The following RBFOX1 variants were observed in gnomAD, a reference collection of about 807,000 sequenced individuals.
RBFOX1 encodes the protein RNA binding protein fox-1 homolog 1.
Under a neutral mutation model 57.7 loss-of-function variants are expected in RBFOX1, and 8 were observed. The observed-to-expected ratio is 0.14, with a 90% confidence interval of 0.08 to 0.25. The LOEUF is 0.25. Ranked by LOEUF, RBFOX1 falls within the 10% of genes least tolerant of loss-of-function variation. RBFOX1 has a pLI of 1.00. For missense variants in RBFOX1, 611 were observed against 548.5 expected (o/e 1.11, Z -1.14); for synonymous variants, 326 against 222.4 (o/e 1.47, Z -4.15).
chr16:5,509,854 G>T (rs1052064760), intron 2 of RBFOX1, among the ~76,000 whole-genome samples: 1 of 152,288 alleles, frequency 6.6e-6, no homozygotes, highest in Admixed American at 6.5e-5. Flanking sequence ...AGTGCGGGGT[G>T]TCCCAGATGG....
chr16:7,633,380 C>A (rs1026832005), intron 11 of RBFOX1, among the ~76,000 whole-genome samples: 1 of 152,144 alleles, frequency 6.6e-6, no homozygotes, highest in African/African-American at 2.4e-5. Flanking sequence ...TAAATTGTAT[C>A]AGTCGTATTA....
At chr16:6,864,547 C>CT (rs556959548) in intron 3 of RBFOX1, among the ~76,000 whole-genome samples, 6,609 of 139,478 alleles carry the variant, frequency 0.047, 259 homozygotes, top group African/African-American at 0.1. Context: ...TCTCCTTCCT[C>CT]TTTTTTTTTT....
chr16:7,228,906 A>C (rs1260483087), intron 4 of RBFOX1, among the ~76,000 whole-genome samples: 2 of 152,188 alleles, frequency 1.3e-5, no homozygotes, highest in Non-Finnish European at 2.9e-5. Flanking sequence ...ATTTTGAGAG[A>C]GAAGAAGATG....
chr16:6,404,055 C>G (rs1567201982), intron 2 of RBFOX1, among the ~76,000 whole-genome samples: 1 of 152,124 alleles, frequency 6.6e-6, no homozygotes, highest in Admixed American at 6.5e-5. Context: ...GTTTAACTCA[C>G]CTAGCCTATA....
intron 1 of RBFOX1, among the ~76,000 whole-genome samples, chr16:6,202,961 G>T (rs2152833070): frequency 6.6e-6 from 1 of 151,988 alleles, no homozygotes; most frequent in East Asian, 1.9e-4. Context: ...TTTTTGTAGA[G>T]ATGGGGTTCT....
At chr16:7,375,746 A>G (rs1447664974) in intron 4 of RBFOX1, among the ~76,000 whole-genome samples, 28 of 152,136 alleles carry the variant, frequency 1.8e-4, no homozygotes, top group Admixed American at 1.8e-3. Flanking sequence ...AATAAAATGA[A>G]TGATTTTTCT....
At chr16:7,700,602 G>A (rs954876134) in intron 14 of RBFOX1, among the ~76,000 whole-genome samples, 2 of 152,170 alleles carry the variant, frequency 1.3e-5, no homozygotes, top group Non-Finnish European at 2.9e-5. Flanking sequence ...TGGTAGAGCA[G>A]GAGTAGACAA....
At chr16:6,122,585 A>C (rs2096559018) in intron 1 of RBFOX1, among the ~76,000 whole-genome samples, 1 of 152,114 alleles carries the variant, frequency 6.6e-6, no homozygotes. Flanking sequence ...TATTGTGCTG[A>C]CTAGGCCTTC....
intron 2 of RBFOX1, among the ~76,000 whole-genome samples, chr16:5,569,973 C>G (rs902899812): frequency 6.6e-5 from 10 of 152,184 alleles, no homozygotes; most frequent in African/African-American, 2.2e-4. Flanking sequence ...AACTCGGCAT[C>G]TAACTAAAGA....
chr16:6,529,756 CA>C (rs1361677506), intron 2 of RBFOX1, among the ~76,000 whole-genome samples: 1 of 152,032 alleles, frequency 6.6e-6, no homozygotes, highest in Non-Finnish European at 1.5e-5. Flanking sequence ...TAAAGTTCTA[CA>C]AAACGCCAAG....
chr16:7,304,984 A>G (rs937642598), intron 4 of RBFOX1, among the ~76,000 whole-genome samples: 1 of 147,196 alleles, frequency 6.8e-6, no homozygotes, highest in African/African-American at 2.5e-5. Context: ...GTGGTGCTAT[A>G]TTCGGTCCGC....
chr16:6,762,299 G>A (rs998628758), intron 3 of RBFOX1, among the ~76,000 whole-genome samples: 5 of 152,158 alleles, frequency 3.3e-5, no homozygotes, highest in African/African-American at 9.7e-5. Context: ...TGAAAATACT[G>A]ACTTTTGGTC....
At chr16:6,678,697 T>C (rs773191817) in intron 3 of RBFOX1, among the ~76,000 whole-genome samples, 9 of 151,982 alleles carry the variant, frequency 5.9e-5, no homozygotes, top group Non-Finnish European at 1.3e-4. Context: ...GGGAATCCTT[T>C]AAGCTCTGTG....
At chr16:6,892,950 C>G (rs916625945) in intron 3 of RBFOX1, among the ~76,000 whole-genome samples, 1 of 152,118 alleles carries the variant, frequency 6.6e-6, no homozygotes, top group Non-Finnish European at 1.5e-5. Context: ...CTGGCTCCTG[C>G]TCTGCTTTTG....
intron 3 of RBFOX1, among the ~76,000 whole-genome samples, chr16:5,612,095 C>CCATT (rs142612268): frequency 0.1 from 15,312 of 150,558 alleles, 1,206 homozygotes; most frequent in East Asian, 0.37. Context: ...CCCATCCATC[C>CCATT]CATTCATTCA....
chr16:7,238,801 C>T (rs1437799329), intron 4 of RBFOX1, among the ~76,000 whole-genome samples: 1 of 152,194 alleles, frequency 6.6e-6, no homozygotes, highest in African/African-American at 2.4e-5. Context: ...CTGACCTCCA[C>T]CTGCCAAGAG....
intron 4 of RBFOX1, among the ~76,000 whole-genome samples, chr16:7,233,709 C>T (rs947631953): frequency 1.3e-5 from 2 of 152,104 alleles, no homozygotes; most frequent in Non-Finnish European, 2.9e-5. Context: ...ACTTCCAACT[C>T]GTCTTTTATT....
At chr16:6,112,901 T>TTGGAAAGTGTTGGAAAGTAATTTG (rs2096461618) in intron 1 of RBFOX1, among the ~76,000 whole-genome samples, 1 of 152,190 alleles carries the variant, frequency 6.6e-6, no homozygotes, top group Non-Finnish European at 1.5e-5. Flanking sequence ...ATTTGCTACA[T>TTGGAAAGTGTTGGAAAGTAATTTG]CAGCTTTTAA....
intron 4 of RBFOX1, among the ~76,000 whole-genome samples, chr16:7,436,519 C>G (rs1041303297): frequency 1.3e-5 from 2 of 152,206 alleles, no homozygotes; most frequent in African/African-American, 4.8e-5. Flanking sequence ...CGTTATGCCT[C>G]ATCCATCCAA....
Sources: allele counts gnomAD v4.1 joint callset (sites outside exome capture counted in the v4.1 genomes callset), GRCh38; gene constraint gnomAD v4.1.1; transcripts MANE v1.5; gene names NCBI Gene and HGNC (gene_info 2026-07-23, HGNC 2026-07-21).